Variants in STAMBP observed in about 807,000 individuals in gnomAD.
STAMBP encodes STAM-binding protein.
In STAMBP, 31 loss-of-function variants were observed where a neutral mutation model predicts 50.7. That is an observed-to-expected ratio of 0.61 (90% CI 0.46 to 0.83). The LOEUF (loss-of-function observed/expected upper bound fraction) is 0.83. STAMBP is among the 40% of genes least tolerant of loss of function. The probability of loss-of-function intolerance (pLI) is 0.00; values close to 1 mark genes in which losing one functional copy is unlikely to be tolerated. For missense variants in STAMBP, 472 were observed against 518.9 expected (o/e 0.91, Z 0.88); for synonymous variants, 211 against 192.4 (o/e 1.10, Z -0.80).
intron 4 of STAMBP, among the ~76,000 whole-genome samples, chr2:73,847,081 CAAA>C (rs10685610): frequency 1.4e-4 from 13 of 96,204 alleles, no homozygotes; most frequent in African/African-American, 1.1e-4. Context: ...GACCCTGTCT[CAAA>C]AAAAAAAAAA....
At chr2:73,869,194 A>G (rs998410197), downstream of STAMBP, among the ~76,000 whole-genome samples, 1 of 152,236 alleles carries the variant, frequency 6.6e-6, no homozygotes, top group Non-Finnish European at 1.5e-5. Context: ...TCACTAAAAG[A>G]TACATTTTAA....
rs181799243 is a variant in STAMBP at position 73,865,823 on chromosome 2, G to A, written c.*3564G>A. 6.6e-6 allele frequency: 1 copy of A among 152,174 alleles called. No individual in the cohort carries two copies. The highest frequency in any genetic ancestry group is 1.5e-5 in the Non-Finnish European group (1 of 68,042). 9.4% of individuals were successfully genotyped at this position (152,174 alleles called of 1,614,324 possible). A position where few individuals can be genotyped will look rare whatever the true frequency, so the allele number is the denominator to read the frequency against. The stretch of plus-strand genomic sequence containing the variant: ...CTGCCCATTCAGCATACAGCTAGAG[G>A]AATCTTTGGGCAGATCCACATTCTT... On this transcript the variant is annotated 3_prime_UTR_variant, in exon 10 of 10. Transcript: ENST00000394070.
downstream of STAMBP, among the ~76,000 whole-genome samples, chr2:73,871,642 A>G (rs1679204382): frequency 6.6e-6 from 1 of 152,108 alleles, no homozygotes; most frequent in Non-Finnish European, 1.5e-5. Flanking sequence ...CATTGTCATC[A>G]AGGCTAATTT....
Position 73,849,443 on chromosome 2 carries a change from A to T in STAMBP, c.823A>T (p.Thr275Ser). 6.2e-7 allele frequency: 1 copy of T among 1,613,702 alleles called. No individual in the cohort carries two copies. The highest frequency in any genetic ancestry group is 1.1e-5 in the South Asian group (1 of 91,052). ...PQFLQLASAN[T>S]ARGVETCGIL... Reference sequence around the variant, plus strand: ...GTTTCTCCAGTTAGCCAGTGCCAACACTGCCCGGGGAGTGGAGACATGTGG... The same window carrying T: ...GTTTCTCCAGTTAGCCAGTGCCAACTCTGCCCGGGGAGTGGAGACATGTGG... Residue 275 changes from threonine to serine, a missense_variant, in exon 6 of 10, where the codon ACT becomes TCT. Transcript: ENST00000394070.
intron 4 of STAMBP, among the ~76,000 whole-genome samples, chr2:73,846,476 C>G (rs937791565): frequency 1.3e-5 from 2 of 151,520 alleles, no homozygotes; most frequent in African/African-American, 4.9e-5. Flanking sequence ...ACAAAAAATA[C>G]AAAAATTAGT....
intron 2 of STAMBP, among the ~76,000 whole-genome samples, chr2:73,831,504 A>T (rs919808258): frequency 4.1e-4 from 62 of 152,308 alleles, no homozygotes; most frequent in Non-Finnish European, 8.7e-4. Flanking sequence ...TAATCATGCA[A>T]ATCATCAAAT....
At chr2:73,848,148 C>T (rs889965040) in intron 5 of STAMBP, among the ~76,000 whole-genome samples, 36 of 152,174 alleles carry the variant, frequency 2.4e-4, no homozygotes, top group Admixed American at 9.8e-4. Flanking sequence ...AAAAGCAGAA[C>T]ATCTTTCCCC....
intron 2 of STAMBP, among the ~76,000 whole-genome samples, chr2:73,838,864 C>G (rs926528828): frequency 6.6e-6 from 1 of 152,132 alleles, no homozygotes; most frequent in African/African-American, 2.4e-5. Context: ...CTTCACTTTT[C>G]TTGGAGATAC....
At chr2:73,849,335 G>T (rs774223291) in intron 5 of STAMBP, 28 bp from the exon 6 acceptor site, 3 of 1,612,204 alleles carry the variant, frequency 1.9e-6, no homozygotes, top group Non-Finnish European at 2.5e-6. Flanking sequence ...CTCAGTGGTC[G>T]CAGACTATTC....
rs74776313 is a variant in STAMBP at position 73,849,855 on chromosome 2, G to A, written c.867+368G>A. Among the ~76,000 whole-genome samples, 502 of 152,258 alleles carry A rather than the reference G, an allele frequency of 3.3e-3. 10 individuals are homozygous for A. Among genetic ancestry groups the A allele is most frequent in the East Asian group, 0.025 (128 of 5,176 alleles). On this transcript the variant is annotated intron_variant, in intron 6 of 9. Transcript: ENST00000394070. ...GTCACTTTGGAGAGAAGGCAGACATGCACTAAAGTCTAACCAGCATGCTGA... is the reference window on the plus strand; with the variant it reads ...GTCACTTTGGAGAGAAGGCAGACATACACTAAAGTCTAACCAGCATGCTGA...
rs1674736762 is a variant in STAMBP, at chr2:73,836,559, C to A, written c.203+5500C>A. Among the ~76,000 whole-genome samples the A allele has an allele frequency of 1.3e-5, 2 of 152,210 alleles. 1 individual carries two copies. Among genetic ancestry groups the A allele is most frequent in the South Asian group, 4.1e-4 (2 of 4,834 alleles). ...AGGAATAGACCCTGTCCAGCCCCAG[C>A]CCTGAGCAGGGGAAAGGGCTGGATG... On this transcript the variant is annotated intron_variant, in intron 2 of 9. Transcript: ENST00000394070.
intron 2 of STAMBP, among the ~76,000 whole-genome samples, chr2:73,836,227 A>G (rs1449042230): frequency 2.0e-5 from 3 of 152,192 alleles, no homozygotes; most frequent in African/African-American, 7.2e-5. Flanking sequence ...TGAAGGAGGG[A>G]GACTGAATCA....
Position 73,859,368 on chromosome 2 carries a change from T to C in STAMBP, c.1118+2T>C. 1 of 1,611,772 alleles carries C rather than the reference T, an allele frequency of 6.2e-7. No individual in the cohort carries two copies. On this transcript the variant is annotated splice_donor_variant, in intron 8 of 9. Transcript: ENST00000394070. LOFTEE classifies it high-confidence loss of function. ...TGTTTGCTCCCCCAAGTTCCAGGAG[T>C]GAGTATAGAGGGCATGGTTCTGGGT...
At chr2:73,859,130 G>T in intron 7 of STAMBP, 124 bp from the exon 8 acceptor site, 1 of 695,640 alleles carries the variant, frequency 1.4e-6, no homozygotes, top group Admixed American at 2.0e-5. Context: ...GTATGTTATC[G>T]TATGTAATAT....
chr2:73,843,329 C>G (rs1358649111), intron 2 of STAMBP, among the ~76,000 whole-genome samples: 1 of 148,566 alleles, frequency 6.7e-6, no homozygotes, highest in East Asian at 2.0e-4. Flanking sequence ...TCCCAAGCAG[C>G]TGGGACTACA....
intron 2 of STAMBP, among the ~76,000 whole-genome samples, chr2:73,843,617 A>G (rs1216243730): frequency 6.6e-6 from 1 of 151,972 alleles, no homozygotes; most frequent in Non-Finnish European, 1.5e-5. Flanking sequence ...TTAAAGAACC[A>G]TTTTTATTTT....
intron 2 of STAMBP, among the ~76,000 whole-genome samples, chr2:73,840,388 G>T (rs1320264440): frequency 1.7e-5 from 2 of 115,178 alleles, no homozygotes; most frequent in South Asian, 5.5e-4. Flanking sequence ...ATATATCTTT[G>T]TACTGTTTTA....
intron 1 of STAMBP, among the ~76,000 whole-genome samples, chr2:73,830,536 A>C (rs1457132223): frequency 6.6e-6 from 1 of 152,210 alleles, no homozygotes; most frequent in African/African-American, 2.4e-5. Context: ...GGAGCCCCCT[A>C]ATGGCAAAGG....
At chr2:73,840,126 A>G (rs955490220) in intron 2 of STAMBP, among the ~76,000 whole-genome samples, 2 of 152,116 alleles carry the variant, frequency 1.3e-5, no homozygotes, top group Non-Finnish European at 2.9e-5. Flanking sequence ...TGTATACTCT[A>G]TGGTGGGGAG....
Sources: gnomAD v4.1 joint callset for allele counts (sites outside exome capture counted in the v4.1 genomes callset) on GRCh38, gnomAD v4.1.1 for gene constraint, MANE v1.5 for transcripts, NCBI Gene and HGNC (gene_info 2026-07-23, HGNC 2026-07-21) for gene names.